CMSS1: variants seen among roughly 807,000 people sequenced by gnomAD.
CMSS1 encodes protein CMSS1.
In CMSS1, 33 loss-of-function variants were observed where a neutral mutation model predicts 43.5. The ratio of observed to expected loss-of-function variants is 0.76; its 90% CI spans 0.57 to 1.01. The LOEUF (loss-of-function observed/expected upper bound fraction) is 1.01, where lower values mean the gene tolerates loss of function less well. CMSS1 is among the 50% of genes least tolerant of loss of function. The pLI, the probability that CMSS1 is intolerant of heterozygous loss-of-function variation, is 0.00. For missense variants in CMSS1, 313 were observed against 326.4 expected (o/e 0.96, Z 0.32); for synonymous variants, 115 against 117.2 (o/e 0.98, Z 0.12).
chr3:99,971,113 G>A lies in CMSS1; in HGVS notation c.64+153070G>A, dbSNP rs905949568. Among the ~76,000 whole-genome samples, 11 of 152,222 alleles carry A rather than the reference G, an allele frequency of 7.2e-5. No individual in the cohort carries two copies. The East Asian group carries it at 1.4e-3, about 19-fold the overall frequency. ...AGCACTTTGGGAGGCCAAGGCGGGC[G>A]GATCACTAGGTCAGGAGATCGAGAC... On this transcript the variant is annotated intron_variant, in intron 1 of 9. Transcript: ENST00000421999.
intron 1 of CMSS1, among the ~76,000 whole-genome samples, chr3:100,137,041 T>C (rs143677199): frequency 1.3e-5 from 2 of 152,342 alleles, no homozygotes; most frequent in East Asian, 3.9e-4. Context: ...CAGAGTTCAG[T>C]CTCAGGGTCC....
At chr3:100,072,886 G>C (rs1425867981) in intron 1 of CMSS1, among the ~76,000 whole-genome samples, 6 of 152,110 alleles carry the variant, frequency 3.9e-5, no homozygotes, top group African/African-American at 1.4e-4. Context: ...CCTCTAACTT[G>C]TCACTGAAAA....
In CMSS1 at chr3:100,056,727, C is replaced by T. The variant is rs566500006; in HGVS notation, c.65-90246C>T. ...AAAAAAAAAAAAATGGGGCCGGGCGCGGTGGCTCACGCCTGTAATCCCAGC... is the reference window on the plus strand; with the variant it reads ...AAAAAAAAAAAAATGGGGCCGGGCGTGGTGGCTCACGCCTGTAATCCCAGC... On this transcript the variant is annotated intron_variant, in intron 1 of 9. Coordinates refer to ENST00000421999, the MANE Select transcript of CMSS1 (RefSeq NM_032359.4). 1.7e-4 allele frequency among the ~76,000 whole-genome samples: 25 copies of T among 150,634 alleles called. 1 individual carries two copies. In the East Asian group the frequency reaches 3.9e-3, roughly 23 times the overall value.
intron 1 of CMSS1, among the ~76,000 whole-genome samples, chr3:100,071,053 A>G (rs1376769235): frequency 6.7e-6 from 1 of 150,024 alleles, no homozygotes; most frequent in African/African-American, 2.5e-5. Flanking sequence ...TTTTTAAAAG[A>G]AAGGGGTTTG....
intron 1 of CMSS1, among the ~76,000 whole-genome samples, chr3:99,892,654 C>T (rs1452492109): frequency 1.3e-5 from 2 of 152,154 alleles, no homozygotes; most frequent in Non-Finnish European, 2.9e-5. Context: ...GGAGAAGGTG[C>T]CATCTCTTCT....
In CMSS1 at chr3:99,850,283, A is replaced by G; in HGVS notation, c.64+32240A>G. The G allele has an allele frequency of 4.3e-6, 7 of 1,613,756 alleles. No individual in the cohort carries two copies. In the Admixed American group the frequency reaches 1.0e-4, roughly 23 times the overall value. Reference sequence around the variant, plus strand: ...TCTAGCTCTTTGATCCTTACTTTTAAACTCTCCAGTTCTTGAGACAACTGC... The same window carrying G: ...TCTAGCTCTTTGATCCTTACTTTTAGACTCTCCAGTTCTTGAGACAACTGC... On this transcript the variant is annotated intron_variant, in intron 1 of 9. Transcript: ENST00000421999.
chr3:99,961,701 TA>T (rs138755159), intron 1 of CMSS1, among the ~76,000 whole-genome samples: 1 of 152,086 alleles, frequency 6.6e-6, no homozygotes, highest in Non-Finnish European at 1.5e-5. Flanking sequence ...TGATTTAGTC[TA>T]AAAAAAATTT....
intron 3 of CMSS1, 75 bp from the exon 4 acceptor site, chr3:100,162,228 A>G: frequency 1.5e-6 from 2 of 1,328,160 alleles, no homozygotes; most frequent in Non-Finnish European, 1.0e-6. Context: ...TTTAAATGCC[A>G]GAGGAACTAA....
At chr3:100,076,433 A>G (rs906187456) in intron 1 of CMSS1, among the ~76,000 whole-genome samples, 1 of 152,206 alleles carries the variant, frequency 6.6e-6, no homozygotes, top group African/African-American at 2.4e-5. Flanking sequence ...CATTGTCAGC[A>G]TGTGCTGAGC....
chr3:99,826,723 A>G (rs1156787692), intron 1 of CMSS1, among the ~76,000 whole-genome samples: 2 of 152,228 alleles, frequency 1.3e-5, no homozygotes, highest in African/African-American at 4.8e-5. Context: ...TCAGCTATGT[A>G]TTAGACCAGT....
chr3:100,058,932 A>C (rs535669066), intron 1 of CMSS1, among the ~76,000 whole-genome samples: 2 of 152,354 alleles, frequency 1.3e-5, no homozygotes, highest in South Asian at 4.1e-4. Context: ...GCAAAGGGGC[A>C]GTTTGGACAG....
At chr3:100,058,354 C>T (rs748700627) in intron 1 of CMSS1, among the ~76,000 whole-genome samples, 5 of 152,168 alleles carry the variant, frequency 3.3e-5, no homozygotes, top group African/African-American at 4.8e-5. Context: ...TGCTTATAAA[C>T]GGGTATGATT....
At chr3:99,978,969 G>C (rs1460990915) in intron 1 of CMSS1, among the ~76,000 whole-genome samples, 1 of 152,110 alleles carries the variant, frequency 6.6e-6, no homozygotes, top group East Asian at 1.9e-4. Context: ...GGAGAGGTTG[G>C]TTAACAGATA....
At chr3:99,921,358 T>A (rs970236108) in intron 1 of CMSS1, among the ~76,000 whole-genome samples, 1 of 152,174 alleles carries the variant, frequency 6.6e-6, no homozygotes. Flanking sequence ...TTGATGCACA[T>A]GGCCTTAAAG....
chr3:99,887,026 C>CT (rs1705923652), intron 1 of CMSS1, among the ~76,000 whole-genome samples: 1 of 150,476 alleles, frequency 6.6e-6, no homozygotes, highest in African/African-American at 2.4e-5. Context: ...AATCCCAGCA[C>CT]TTTGAGAGGC....
intron 1 of CMSS1, among the ~76,000 whole-genome samples, chr3:99,865,820 TG>T (rs1251504921): frequency 3.3e-5 from 5 of 152,024 alleles, no homozygotes; most frequent in Non-Finnish European, 4.4e-5. Flanking sequence ...AATATTTATA[TG>T]TTTTTTTATT....
intron 1 of CMSS1, among the ~76,000 whole-genome samples, chr3:100,119,884 G>A (rs1024023905): frequency 1.3e-5 from 2 of 152,124 alleles, no homozygotes; most frequent in Non-Finnish European, 2.9e-5. Context: ...GAAAGTTCTG[G>A]ATAATCTACA....
At chr3:99,840,072 C>T (rs1943063247) in intron 1 of CMSS1, among the ~76,000 whole-genome samples, 2 of 152,226 alleles carry the variant, frequency 1.3e-5, no homozygotes, top group South Asian at 2.1e-4. Flanking sequence ...GCCAGGGATG[C>T]TCCTAAACAT....
chr3:99,903,946 T>C (rs1384697771), intron 1 of CMSS1, among the ~76,000 whole-genome samples: 1 of 152,200 alleles, frequency 6.6e-6, no homozygotes, highest in Non-Finnish European at 1.5e-5. Context: ...AAATATGGCT[T>C]CAAGTAATAG....
Sources: gnomAD v4.1 joint callset for allele counts (sites outside exome capture counted in the v4.1 genomes callset) on GRCh38, gnomAD v4.1.1 for gene constraint, MANE v1.5 for transcripts, NCBI Gene and HGNC (gene_info 2026-07-23, HGNC 2026-07-21) for gene names.